Variants in GPR149 observed in about 807,000 individuals in gnomAD.
GPR149 encodes the protein probable G protein-coupled receptor 149.
A neutral mutation model predicts 50.2 loss-of-function variants in GPR149; 50 were observed. The ratio of observed to expected loss-of-function variants is 1.00; its 90% CI spans 0.79 to 1.26. GPR149 has a LOEUF of 1.26. Among genes scored for constraint, GPR149 ranks in the 50% most tolerant of loss-of-function variants. The pLI is 0.00. For missense variants in GPR149, 983 were observed against 895.4 expected (o/e 1.10, Z -1.25); for synonymous variants, 405 against 358.2 (o/e 1.13, Z -1.48).
chr3:154,420,414 C>T (rs527606877), intron 3 of GPR149, among the ~76,000 whole-genome samples: 1 of 152,016 alleles, frequency 6.6e-6, no homozygotes, highest in East Asian at 1.9e-4. Flanking sequence ...AATTCATGTG[C>T]AAATTCTTTT....
chr3:154,421,026 A>G lies in GPR149; in HGVS notation c.1623+13T>C, dbSNP rs1712127435. 2 of 1,558,584 alleles carry G rather than the reference A, an allele frequency of 1.3e-6. No homozygotes were observed. Among genetic ancestry groups the G allele is most frequent in the Non-Finnish European group, 1.7e-6 (2 of 1,150,486 alleles). On this transcript the variant is annotated intron_variant, in intron 3 of 3. Coordinates refer to ENST00000389740, the MANE Select transcript of GPR149 (RefSeq NM_001038705.3). ...CACTTTCAATTTAACAGCAAGAACA[A>G]CTTTTACTGTACCTGACGAGGGGTT...
At chr3:154,427,407 T>C (rs1161199096) in intron 2 of GPR149, 109 bp downstream of exon 2, 1 of 806,696 alleles carries the variant, frequency 1.2e-6, no homozygotes, top group Admixed American at 2.7e-5. Flanking sequence ...CCACTGACAT[T>C]TATCCTTGGA....
chr3:154,414,171 G>T (rs1286070118), intron 3 of GPR149, among the ~76,000 whole-genome samples: 7 of 151,846 alleles, frequency 4.6e-5, no homozygotes, highest in Non-Finnish European at 1.0e-4. Flanking sequence ...AAAGGGTTGG[G>T]CTAGCTAGGG....
intron 3 of GPR149, among the ~76,000 whole-genome samples, chr3:154,407,719 C>CACACACACACACACACAT (rs759884952): frequency 1.8e-4 from 27 of 150,458 alleles, no homozygotes; most frequent in East Asian, 3.9e-4. Context: ...CACACACACA[C>CACACACACACACACACAT]ATATATATAT....
chr3:154,388,904 A>ACG (rs1553765306), intron 3 of GPR149, among the ~76,000 whole-genome samples: 1 of 151,656 alleles, frequency 6.6e-6, no homozygotes, highest in Non-Finnish European at 1.5e-5. Context: ...ACACACACAC[A>ACG]AAGAACCACT....
chr3:154,417,189 C>T (rs535773238), intron 3 of GPR149, among the ~76,000 whole-genome samples: 19 of 152,046 alleles, frequency 1.2e-4, no homozygotes, highest in Non-Finnish European at 2.2e-4. Flanking sequence ...AAAACTCTGA[C>T]GTTTCTTACT....
At chr3:154,342,023 A>G (rs1427006571) in intron 3 of GPR149, among the ~76,000 whole-genome samples, 2 of 152,230 alleles carry the variant, frequency 1.3e-5, no homozygotes, top group East Asian at 3.8e-4. Context: ...TACAAAATTA[A>G]GTTAGATACC....
chr3:154,427,827 G>A, intron 1 of GPR149, 119 bp from the exon 2 acceptor site: 1 of 945,498 alleles, frequency 1.1e-6, no homozygotes, highest in Non-Finnish European at 1.5e-6. Context: ...TGGACAGCGG[G>A]GACCTCTGCT....
chr3:154,343,709 G>A (rs1000665822), intron 3 of GPR149, among the ~76,000 whole-genome samples: 2 of 152,124 alleles, frequency 1.3e-5, no homozygotes, highest in Non-Finnish European at 2.9e-5. Flanking sequence ...GTTCATCCCT[G>A]TAATCCCTTT....
chr3:154,341,332 T>TATAG, intron 3 of GPR149, among the ~76,000 whole-genome samples: 1 of 93,970 alleles, frequency 1.1e-5, no homozygotes, highest in African/African-American at 4.0e-5. Context: ...TATATATATA[T>TATAG]ATATATATAA....
At chr3:154,418,869 C>G (rs569005338) in intron 3 of GPR149, among the ~76,000 whole-genome samples, 16 of 151,878 alleles carry the variant, frequency 1.1e-4, no homozygotes, top group Admixed American at 9.8e-4. Flanking sequence ...AAAAAAAGAA[C>G]CTTTTTAATT....
chr3:154,382,132 A>G (rs1011452611), intron 3 of GPR149, among the ~76,000 whole-genome samples: 97 of 152,336 alleles, frequency 6.4e-4, no homozygotes, highest in African/African-American at 2.2e-3. Context: ...ACTAGAAGAC[A>G]TTTAAAATCT....
chr3:154,375,834 C>T (rs1382537262), intron 3 of GPR149, among the ~76,000 whole-genome samples: 1 of 152,188 alleles, frequency 6.6e-6, no homozygotes, highest in Non-Finnish European at 1.5e-5. Flanking sequence ...ATCCAATCCA[C>T]TGAGGGCCTA....
chr3:154,398,242 T>C (rs1013584640), intron 3 of GPR149, among the ~76,000 whole-genome samples: 3 of 152,144 alleles, frequency 2.0e-5, no homozygotes, highest in Non-Finnish European at 4.4e-5. Flanking sequence ...TCAATGCATG[T>C]GAAAGTTTGT....
At chr3:154,395,426 A>C (rs995185051) in intron 3 of GPR149, among the ~76,000 whole-genome samples, 1 of 138,028 alleles carries the variant, frequency 7.2e-6, no homozygotes, top group Non-Finnish European at 1.5e-5. Flanking sequence ...AAAACACAAT[A>C]TATGTAAAAT....
At chr3:154,365,680 C>G (rs1234682875) in intron 3 of GPR149, among the ~76,000 whole-genome samples, 1 of 152,136 alleles carries the variant, frequency 6.6e-6, no homozygotes, top group Admixed American at 6.5e-5. Flanking sequence ...GTTCATGGCC[C>G]TTAAATTTTG....
chr3:154,419,641 G>T (rs1257327994), intron 3 of GPR149, among the ~76,000 whole-genome samples: 1 of 152,032 alleles, frequency 6.6e-6, no homozygotes, highest in Non-Finnish European at 1.5e-5. Flanking sequence ...TCTGTAAGGG[G>T]TAATCACGAG....
At chr3:154,341,296 T>TAC (rs1383878739) in intron 3 of GPR149, among the ~76,000 whole-genome samples, 1 of 22,382 alleles carries the variant, frequency 4.5e-5, no homozygotes, top group African/African-American at 1.7e-4. Context: ...ATAAGACATA[T>TAC]ATATATATAT....
In GPR149 at chr3:154,352,319, T is replaced by C. The variant is rs148672608; in HGVS notation, c.1624-14048A>G. ...AGCCACTTGACCAGCCATTCCTCCGTTGGGGATTAGAAGACTTGTTTCCAT... is the reference window on the plus strand; with the variant it reads ...AGCCACTTGACCAGCCATTCCTCCGCTGGGGATTAGAAGACTTGTTTCCAT... On this transcript the variant is annotated intron_variant, in intron 3 of 3. Coordinates refer to ENST00000389740, the MANE Select transcript of GPR149 (RefSeq NM_001038705.3). 128 of 966,554 alleles carry C rather than the reference T, an allele frequency of 1.3e-4. No individual in the cohort carries two copies. In the Middle Eastern group the frequency reaches 1.9e-3, roughly 14 times the overall value. 59.9% of individuals were successfully genotyped at this position (966,554 alleles called of 1,614,324 possible). A position where few individuals can be genotyped will look rare whatever the true frequency, so the allele number is the denominator to read the frequency against.
Sources: allele counts gnomAD v4.1 joint callset (sites outside exome capture counted in the v4.1 genomes callset), GRCh38; gene constraint gnomAD v4.1.1; transcripts MANE v1.5; gene names NCBI Gene and HGNC (gene_info 2026-07-23, HGNC 2026-07-21).